VWA8: variants seen among roughly 807,000 people sequenced by gnomAD.
VWA8 encodes the protein von Willebrand factor A domain-containing protein 8.
VWA8 carries 221 observed loss-of-function variants against 241.5 expected under a neutral mutation model. The ratio of observed to expected loss-of-function variants is 0.91; its 90% CI spans 0.82 to 1.02. The LOEUF (loss-of-function observed/expected upper bound fraction) is 1.02. Ranked by LOEUF, VWA8 falls within the 50% of genes least tolerant of loss-of-function variation. The pLI is 0.00. For synonymous variants in VWA8, 852 were observed against 827.1 expected, an observed-to-expected ratio of 1.03 and a Z score of -0.52; for missense variants, 2,322 against 2,328.7, an observed-to-expected ratio of 1.00 and a Z score of 0.06.
intron 17 of VWA8, among the ~76,000 whole-genome samples, chr13:41,791,115 T>G (rs866244387): frequency 1.6e-5 from 2 of 128,426 alleles, no homozygotes; most frequent in Non-Finnish European, 1.7e-5. Flanking sequence ...ATAAAATGAG[T>G]TTTTTTTTTA....
intron 43 of VWA8, among the ~76,000 whole-genome samples, chr13:41,571,908 T>C (rs1437274842): frequency 6.6e-6 from 1 of 150,386 alleles, no homozygotes; most frequent in Non-Finnish European, 1.5e-5. Context: ...GTGAGGAGTG[T>C]CTCTGCCCGG....
chr13:41,812,026 A>G (rs1410775126), intron 16 of VWA8, among the ~76,000 whole-genome samples: 1 of 152,186 alleles, frequency 6.6e-6, no homozygotes, highest in East Asian at 1.9e-4. Flanking sequence ...ATAAGTCGGT[A>G]TCCTATTTAT....
At chr13:41,870,345 T>C (rs536054878) in intron 9 of VWA8, among the ~76,000 whole-genome samples, 7 of 151,962 alleles carry the variant, frequency 4.6e-5, no homozygotes, top group Non-Finnish European at 1.0e-4. Flanking sequence ...TTCATTAGAA[T>C]GTAGAACAAA....
Position 41,748,928 on chromosome 13 carries a change from T to C in VWA8, c.2426+12200A>G, listed in dbSNP as rs188035713. 4.6e-3 allele frequency among the ~76,000 whole-genome samples: 705 copies of C among 152,154 alleles called. 10 individuals are homozygous for C. Among genetic ancestry groups the C allele is most frequent in the South Asian group, 8.5e-3 (41 of 4,826 alleles). On this transcript the variant is annotated intron_variant, in intron 21 of 44. Coordinates refer to ENST00000379310, the MANE Select transcript of VWA8 (RefSeq NM_015058.2). ...ACCCTAGAAGAAAATCTAGGCAGTA[T>C]CATTCAGGACATAGGCATGGGGAAG...
chr13:41,808,708 C>T (rs1469339336), intron 17 of VWA8, among the ~76,000 whole-genome samples: 1 of 152,116 alleles, frequency 6.6e-6, no homozygotes, highest in Admixed American at 6.5e-5. Context: ...GGCAAGGATA[C>T]ACACTTTCAC....
intron 42 of VWA8, among the ~76,000 whole-genome samples, chr13:41,587,203 G>C (rs555992319): frequency 6.6e-6 from 1 of 152,230 alleles, no homozygotes; most frequent in East Asian, 1.9e-4. Flanking sequence ...GGCAAGAGTG[G>C]GTGGGTATGG....
chr13:41,784,223 T>C lies in VWA8; in HGVS notation c.2171-322A>G, dbSNP rs539420767. On this transcript the variant is annotated intron_variant, in intron 18 of 44. Coordinates refer to ENST00000379310, the MANE Select transcript of VWA8 (RefSeq NM_015058.2). ...TTGTTTGGTCAGAAACTATAACACA[T>C]ACATAAGTTAAATACACCTAAATTC... 3.6e-4 allele frequency among the ~76,000 whole-genome samples: 55 copies of C among 151,654 alleles called. No individual in the cohort carries two copies. In the South Asian group the frequency reaches 0.011, roughly 30 times the overall value.
chr13:41,784,658 G>GTCTC lies in VWA8; in HGVS notation c.2171-761_2171-758dup, dbSNP rs57574031. On this transcript the variant is annotated intron_variant, in intron 18 of 44. Transcript: ENST00000379310. The stretch of plus-strand genomic sequence containing the variant: ...AGCCTGGGTAACAGAGTGCAACCTT[G>GTCTC]TCTCTCTCTCTCTCTCTCTCTTTAT... Among the ~76,000 whole-genome samples, 49 of 103,852 alleles carry GTCTC rather than the reference G, an allele frequency of 4.7e-4. 1 individual carries two copies. The highest frequency in any genetic ancestry group is 6.9e-4 in the South Asian group (2 of 2,916). The allele number at this position is 103,852 out of a possible 152,430, so 68.1% of individuals were successfully genotyped here.
intron 29 of VWA8, among the ~76,000 whole-genome samples, chr13:41,693,316 T>A (rs1250328579): frequency 2.6e-5 from 4 of 152,150 alleles, no homozygotes; most frequent in African/African-American, 9.6e-5. Flanking sequence ...TATTATCTAG[T>A]TATAAGGAAA....
chr13:41,859,916 G>A (rs531454769), intron 12 of VWA8, among the ~76,000 whole-genome samples: 1 of 152,288 alleles, frequency 6.6e-6, no homozygotes, highest in Non-Finnish European at 1.5e-5. Context: ...AACAGATGGT[G>A]TATCTACTTT....
intron 40 of VWA8, among the ~76,000 whole-genome samples, chr13:41,604,403 G>A (rs553277581): frequency 2.6e-5 from 4 of 151,970 alleles, no homozygotes; most frequent in African/African-American, 7.2e-5. Context: ...CTTTCCTCCT[G>A]GAAATGACAG....
intron 29 of VWA8, among the ~76,000 whole-genome samples, chr13:41,697,338 A>G (rs912661417): frequency 6.6e-6 from 1 of 152,184 alleles, no homozygotes; most frequent in African/African-American, 2.4e-5. Context: ...GAGCACCCAG[A>G]GAAATCCTTT....
At chr13:41,932,914 C>T (rs965954226) in intron 2 of VWA8, among the ~76,000 whole-genome samples, 2 of 151,910 alleles carry the variant, frequency 1.3e-5, no homozygotes, top group African/African-American at 4.8e-5. Context: ...AAGACGTTCT[C>T]TCTCATAACT....
intron 2 of VWA8, among the ~76,000 whole-genome samples, chr13:41,949,623 AT>A (rs913563736): frequency 1.3e-5 from 2 of 152,038 alleles, no homozygotes; most frequent in African/African-American, 4.8e-5. Flanking sequence ...TTAAAGTATA[AT>A]TAAAAAAAAA....
rs572006974 is a variant in VWA8 at position 41,767,506 on chromosome 13, A to G, written c.2350-6302T>C. On this transcript the variant is annotated intron_variant, in intron 20 of 44. Coordinates refer to ENST00000379310, the MANE Select transcript of VWA8 (RefSeq NM_015058.2). ...AGAGATCACTGCTAATGATCACTGG[A>G]AATTTCTTATTTTCCAAATTCTCTC... Among the ~76,000 whole-genome samples, 240 of 152,334 alleles carry G rather than the reference A, an allele frequency of 1.6e-3. 1 individual carries two copies. The highest frequency in any genetic ancestry group is 5.4e-3 in the African/African-American group (225 of 41,582).
At chr13:41,852,674 G>T (rs538713950) in intron 12 of VWA8, among the ~76,000 whole-genome samples, 34 of 152,186 alleles carry the variant, frequency 2.2e-4, no homozygotes, top group African/African-American at 7.2e-4. Context: ...TGTTCTGCAT[G>T]TGGATATACA....
chr13:41,787,607 TACACAC>T (rs112297676), intron 17 of VWA8, 64 bp from the exon 18 acceptor site: 24 of 604,014 alleles, frequency 4.0e-5, no homozygotes, highest in African/African-American at 5.7e-5. Flanking sequence ...GATTCTTAAA[TACACAC>T]ACACACACAC....
At position 41,739,848 on chromosome 13, in the gene VWA8, G is replaced by GT. The variant is rs1179107917; in HGVS notation, c.2427-7694dup. Among the ~76,000 whole-genome samples the GT allele has an allele frequency of 1.7e-3, 84 of 50,898 alleles. 2 individuals carry two copies. Among genetic ancestry groups the GT allele is most frequent in the Admixed American group, 2.3e-3 (12 of 5,292 alleles). 33.4% of individuals were successfully genotyped at this position (50,898 alleles called of 152,430 possible). A position where few individuals can be genotyped will look rare whatever the true frequency, so the allele number is the denominator to read the frequency against. ...TTTTGTTTTTTTTTTTGTTTTTTTT[G>GT]TTTTTTTTGTTTTTTTTTTTTTTTG... On this transcript the variant is annotated intron_variant, in intron 21 of 44. Transcript: ENST00000379310.
At chr13:41,570,753 T>G in intron 43 of VWA8, 47 bp from the exon 44 acceptor site, 18 of 1,539,568 alleles carry the variant, frequency 1.2e-5, no homozygotes, top group Non-Finnish European at 1.6e-5. Flanking sequence ...AGAAACTTCT[T>G]TTTTAACAAA....
Sources: allele counts gnomAD v4.1 joint callset (sites outside exome capture counted in the v4.1 genomes callset), GRCh38; gene constraint gnomAD v4.1.1; transcripts MANE v1.5; gene names NCBI Gene and HGNC (gene_info 2026-07-23, HGNC 2026-07-21).